The following TRIM26 variants were observed in gnomAD, a reference collection of about 807,000 sequenced individuals.
TRIM26 encodes tripartite motif containing 26.
A neutral mutation model predicts 45.5 loss-of-function variants in TRIM26; 16 were observed. That is an observed-to-expected ratio of 0.35 (90% confidence interval 0.24 to 0.53). The LOEUF (loss-of-function observed/expected upper bound fraction) is 0.53, where lower values mean the gene tolerates loss of function less well. TRIM26 is among the 20% of genes least tolerant of loss of function. The pLI, the probability that TRIM26 is intolerant of heterozygous loss-of-function variation, is 0.92. For synonymous variants in TRIM26, 273 were observed against 290.4 expected (o/e 0.94, Z 0.61); for missense variants, 442 against 691.1 (o/e 0.64, Z 4.04).
chr6:30,205,307 A>G (rs1463033621), intron 1 of TRIM26, among the ~76,000 whole-genome samples: 3 of 152,200 alleles, frequency 2.0e-5, no homozygotes, highest in African/African-American at 7.2e-5. Context: ...GGAAGATGCA[A>G]CAAACAAGCC....
intron 1 of TRIM26, among the ~76,000 whole-genome samples, chr6:30,208,537 T>C (rs1201005720): frequency 7.1e-6 from 1 of 141,654 alleles, no homozygotes; most frequent in Non-Finnish European, 1.6e-5. Context: ...TTTTTTTCCA[T>C]GTATTTGGGT....
intron 6 of TRIM26, among the ~76,000 whole-genome samples, chr6:30,193,594 T>G (rs1344240250): frequency 6.6e-6 from 1 of 152,144 alleles, no homozygotes; most frequent in Non-Finnish European, 1.5e-5. Flanking sequence ...GTTTTTTTTC[T>G]ATTTTTCTGA....
rs1778033826 is a variant in TRIM26 at position 30,209,196 on chromosome 6, G to C, written c.-376+4109C>G. Among the ~76,000 whole-genome samples the C allele has an allele frequency of 6.6e-6, 1 of 152,156 alleles. No homozygotes were observed. Among genetic ancestry groups the C allele is most frequent in the Non-Finnish European group, 1.5e-5 (1 of 68,034 alleles). On this transcript the variant is annotated intron_variant, in intron 1 of 9. Coordinates refer to ENST00000454678, the MANE Select transcript of TRIM26 (RefSeq NM_003449.5). The surrounding 1 kb of genome is among the most constrained non-coding windows in gnomAD (Gnocchi z 4.8). ...AATCCAGGGAAAGGGAGGAATCTAA[G>C]CCATCAGCAAGGGAGTTAGTGCTTT...
Position 30,190,097 on chromosome 6 carries a change from G to A in TRIM26, c.766-62C>T. 1.3e-6 allele frequency: 2 copies of A among 1,564,160 alleles called. No homozygotes were observed. Among genetic ancestry groups the A allele is most frequent in the Non-Finnish European group, 1.8e-6 (2 of 1,137,452 alleles). On this transcript the variant is annotated intron_variant, in intron 6 of 9. Transcript: ENST00000454678. This position sits in a 1 kb window ranked among gnomAD's most constrained non-coding sequence, Gnocchi z 4.3. The stretch of plus-strand genomic sequence containing the variant: ...AATCAAATAAGACTTCAATGCATCT[G>A]CACCCAACACTGTAGCAGAGATGGG...
At chr6:30,204,925 G>C (rs1266736216) in intron 1 of TRIM26, among the ~76,000 whole-genome samples, 160 bp from the exon 2 acceptor site, 1 of 152,042 alleles carries the variant, frequency 6.6e-6, no homozygotes, top group Non-Finnish European at 1.5e-5. Flanking sequence ...TGGGGGTGAG[G>C]GGGTATTTTT....
rs186933893 is a variant in TRIM26, at chr6:30,201,574, G to C, written c.-265-436C>G. Among the ~76,000 whole-genome samples the C allele has an allele frequency of 7.2e-3, 1,092 of 152,120 alleles. 42 individuals carry two copies. In the South Asian group the frequency reaches 0.12, roughly 17 times the overall value. Reference sequence around the variant, plus strand: ...GAAATGCTAGGAATTGGCCGGGCACGGTGGCTCACACCTGTAATCCCAACA... The same window carrying C: ...GAAATGCTAGGAATTGGCCGGGCACCGTGGCTCACACCTGTAATCCCAACA... On this transcript the variant is annotated intron_variant, in intron 2 of 9. Transcript: ENST00000454678.
intron 6 of TRIM26, among the ~76,000 whole-genome samples, chr6:30,191,820 C>T (rs1049232140): frequency 6.6e-6 from 1 of 152,222 alleles, no homozygotes; most frequent in Non-Finnish European, 1.5e-5. Context: ...TCCAAGGCGG[C>T]TTCAGAGGAC....
chr6:30,201,947 CA>C (rs1039901617), intron 2 of TRIM26, among the ~76,000 whole-genome samples: 6 of 152,050 alleles, frequency 3.9e-5, no homozygotes, highest in African/African-American at 1.4e-4. Flanking sequence ...TCAGTTGTAA[CA>C]TACTGCAAGT....
At chr6:30,192,589 G>A (rs1458514786) in intron 6 of TRIM26, among the ~76,000 whole-genome samples, 1 of 151,934 alleles carries the variant, frequency 6.6e-6, no homozygotes, top group African/African-American at 2.4e-5. Context: ...ATGTTGCCCA[G>A]GCTGGTCTCA....
At position 30,189,657 on chromosome 6, in the gene TRIM26, G is replaced by C; in HGVS notation, c.789-124C>G. ...AAGGTATGATTATCCCCAAACAAGT[G>C]ACAGAAAAACAGTGGCCCAAAGACA... On this transcript the variant is annotated intron_variant, in intron 7 of 9. Coordinates refer to ENST00000454678, the MANE Select transcript of TRIM26 (RefSeq NM_003449.5). The surrounding 1 kb of genome is among the most constrained non-coding windows in gnomAD (Gnocchi z 5.0). 1.2e-6 allele frequency: 1 copy of C among 868,012 alleles called. No individual in the cohort carries two copies. Among genetic ancestry groups the C allele is most frequent in the Non-Finnish European group, 1.8e-6 (1 of 554,276 alleles). The allele number at this position is 868,012 out of a possible 1,614,324, so 53.8% of individuals were successfully genotyped here.
rs1269213105 is a variant in TRIM26, at chr6:30,185,900, T to C, written c.1596A>G (p.Gly532=). 6.2e-7 allele frequency: 1 copy of C among 1,612,758 alleles called. No homozygotes were observed. The highest frequency in any genetic ancestry group is 8.5e-7 in the Non-Finnish European group (1 of 1,179,878). ...CTCAGGGTCTTAGCAGGAGGCGTGT[T>C]CCTGGCCACTTGAGCCACAGGAAGG... ...LVPFLWLKWP[G]TRLLLRP is the part of the protein sequence containing the mutation. Residue 532 remains glycine (G), a synonymous_variant, in exon 10 of 10, where the codon GGA becomes GGG. Coordinates refer to ENST00000454678, the MANE Select transcript of TRIM26 (RefSeq NM_003449.5). The surrounding 1 kb of genome is among the most constrained non-coding windows in gnomAD (Gnocchi z 5.7).
At chr6:30,188,777 G>A (rs1417303204) in intron 9 of TRIM26, among the ~76,000 whole-genome samples, 3 of 152,108 alleles carry the variant, frequency 2.0e-5, no homozygotes, top group Admixed American at 1.3e-4. Context: ...GGGCTGAGAG[G>A]GGGCACAATA....
At position 30,196,219 on chromosome 6, in the gene TRIM26, G is replaced by A. The variant is rs150647355; in HGVS notation, c.765+297C>T. On this transcript the variant is annotated intron_variant, in intron 6 of 9. Transcript: ENST00000454678. The surrounding 1 kb of genome is among the most constrained non-coding windows in gnomAD (Gnocchi z 4.9). ...TGTTAAGAGGGCTTGTGATGGCAGT[G>A]ATGAGGATGGAGGATGGTAAATGAT... Among the ~76,000 whole-genome samples, 1,167 of 152,334 alleles carry A rather than the reference G, an allele frequency of 7.7e-3. 9 individuals are homozygous for A. The highest frequency in any genetic ancestry group is 0.027 in the Middle Eastern group (8 of 294).
Position 30,189,610 on chromosome 6 carries a change from G to T in TRIM26, c.789-77C>A. ...TTCATACTTATCTCTCAATCCTCAT[G>T]GCAATTATGAAGGGGAGAGGAAAGG... On this transcript the variant is annotated intron_variant, in intron 7 of 9. Coordinates refer to ENST00000454678, the MANE Select transcript of TRIM26 (RefSeq NM_003449.5). The surrounding 1 kb of genome is among the most constrained non-coding windows in gnomAD (Gnocchi z 5.0). 7.9e-7 allele frequency: 1 copy of T among 1,263,494 alleles called. No individual in the cohort carries two copies. Among genetic ancestry groups the T allele is most frequent in the Non-Finnish European group, 1.1e-6 (1 of 871,272 alleles). 78.3% of individuals were successfully genotyped at this position (1,263,494 alleles called of 1,614,324 possible).
At position 30,190,900 on chromosome 6, in the gene TRIM26, G is replaced by A. The variant is rs998467881; in HGVS notation, c.766-865C>T. ...CACCTCTGAACTGTTAACTGAGGCAGAAATAAACTTCTATTCTGTTTGCGT... is the reference window on the plus strand; with the variant it reads ...CACCTCTGAACTGTTAACTGAGGCAAAAATAAACTTCTATTCTGTTTGCGT... On this transcript the variant is annotated intron_variant, in intron 6 of 9. Transcript: ENST00000454678. The surrounding 1 kb of genome is among the most constrained non-coding windows in gnomAD (Gnocchi z 4.3). Among the ~76,000 whole-genome samples the A allele has an allele frequency of 1.3e-4, 20 of 152,154 alleles. 1 individual carries two copies. The highest frequency in any genetic ancestry group is 2.4e-4 in the Non-Finnish European group (16 of 68,036).
chr6:30,185,928 A>G lies in TRIM26; in HGVS notation c.1568T>C (p.Val523Ala). ...TGGCCACTTGAGCCACAGGAAGGGG[A>G]CCAGGCGCCGGGTGAAGGTGGCAGT... ...TFTATFTRRL[V>A]PFLWLKWPGT... is the part of the protein sequence containing the mutation. Residue 523 changes from valine (V) to alanine (A), a missense_variant, in exon 10 of 10, where the codon GTC becomes GCC. Transcript: ENST00000454678. This position sits in a 1 kb window ranked among gnomAD's most constrained non-coding sequence, Gnocchi z 5.7. 1 of 1,613,008 alleles carries G rather than the reference A, an allele frequency of 6.2e-7. No individual in the cohort carries two copies. Among genetic ancestry groups the G allele is most frequent in the East Asian group, 2.2e-5 (1 of 44,872 alleles).
rs1338571307 is a variant in TRIM26 at position 30,186,530 on chromosome 6, G to A, written c.966C>T (p.Ala322=). The A allele has an allele frequency of 1.3e-6, 2 of 1,522,500 alleles. No individual in the cohort carries two copies. Among genetic ancestry groups the A allele is most frequent in the South Asian group, 2.7e-5 (2 of 75,362 alleles). 94.3% of individuals were successfully genotyped at this position (1,522,500 alleles called of 1,614,324 possible). ...CCTCTGACAGCTGCAGGTACCCACT[G>A]GCCGACTGTGGGTCCAGGGTGACGC... ...TVSVTLDPQS[A]SGYLQLSEDW... is the part of the protein sequence containing the mutation. The change falls in exon 10 of 10, where the codon GCC becomes GCT. Residue 322 remains alanine (A), a synonymous_variant. Coordinates refer to ENST00000454678, the MANE Select transcript of TRIM26 (RefSeq NM_003449.5). The surrounding 1 kb of genome is among the most constrained non-coding windows in gnomAD (Gnocchi z 7.4).
chr6:30,186,035 C>A lies in TRIM26; in HGVS notation c.1461G>T (p.Arg487=). The A allele has an allele frequency of 1.2e-6, 2 of 1,607,136 alleles. No homozygotes were observed. The highest frequency in any genetic ancestry group is 2.2e-5 in the South Asian group (2 of 90,054). ...CATAATCCAGGGCGATGCCCACTCT[C>A]CGGGGCCGCAGTGCTGGGAAAAGCT... The part of the protein sequence containing the change: ...EAELFPALRP[R]RVGIALDYEG... Residue 487 remains arginine (R), a synonymous_variant, in exon 10 of 10, where the codon CGG becomes CGT. Transcript: ENST00000454678. The surrounding 1 kb of genome is among the most constrained non-coding windows in gnomAD (Gnocchi z 7.4).
At position 30,190,128 on chromosome 6, in the gene TRIM26, T is replaced by C. The variant is rs560222464; in HGVS notation, c.766-93A>G. 34 of 1,391,638 alleles carry C rather than the reference T, an allele frequency of 2.4e-5. No individual in the cohort carries two copies. The highest frequency in any genetic ancestry group is 3.1e-5 in the Non-Finnish European group (31 of 988,962). The allele number at this position is 1,391,638 out of a possible 1,614,324, so 86.2% of individuals were successfully genotyped here. A position where few individuals can be genotyped will look rare whatever the true frequency, so the allele number is the denominator to read the frequency against. The stretch of plus-strand genomic sequence containing the variant: ...AACACTGTAGCAGAGATGGGACATA[T>C]CAGTGAACAAAACAAATGTGGTCCC... On this transcript the variant is annotated intron_variant, in intron 6 of 9. Transcript: ENST00000454678. This position sits in a 1 kb window ranked among gnomAD's most constrained non-coding sequence, Gnocchi z 4.3.
Sources: allele counts gnomAD v4.1 joint callset (sites outside exome capture counted in the v4.1 genomes callset), GRCh38; gene constraint gnomAD v4.1.1; non-coding constraint Gnocchi (gnomAD v3.1); transcripts MANE v1.5; gene names NCBI Gene and HGNC (gene_info 2026-07-23, HGNC 2026-07-21).